Variants in PLCL2 observed in about 807,000 individuals in gnomAD.
The protein encoded by PLCL2 is inactive phospholipase C-like protein 2.
PLCL2 carries 4 observed loss-of-function variants against 79.6 expected under a neutral mutation model. The ratio of observed to expected loss-of-function variants is 0.05; its 90% confidence interval spans 0.02 to 0.11. The LOEUF (loss-of-function observed/expected upper bound fraction) is 0.11, where lower values mean the gene tolerates loss of function less well. Ranked by LOEUF, PLCL2 falls within the 10% of genes least tolerant of loss-of-function variation. The pLI, the probability that PLCL2 is intolerant of heterozygous loss-of-function variation, is 1.00. For synonymous variants in PLCL2, 484 were observed against 457.7 expected, an observed-to-expected ratio of 1.06 and a Z score of -0.73; for missense variants, 895 against 1,291.0, an observed-to-expected ratio of 0.69 and a Z score of 4.70.
At position 17,011,364 on chromosome 3, in the gene PLCL2, C is replaced by T; in HGVS notation, c.2018C>T (p.Ala673Val). The change falls in exon 2 of 6, where the codon GCT (alanine) becomes GTT (valine). Residue 673 changes from alanine to valine, a missense_variant. Ala to Val is a moderately conservative substitution (Grantham distance 64). Coordinates refer to ENST00000615277, the MANE Select transcript of PLCL2 (RefSeq NM_001144382.2). This position sits in a 1 kb window ranked among gnomAD's most constrained non-coding sequence, Gnocchi z 7.9. ...GTAAATTACAACAAACGTTTTCTTG[C>T]TAGGGTTTTTCCCAGTCCAATGAGA... ...DFVNYNKRFL[A>V]RVFPSPMRID... The T allele has an allele frequency of 6.2e-7, 1 of 1,614,092 alleles. No individual in the cohort carries two copies. The highest frequency in any genetic ancestry group is 1.7e-5 in the Admixed American group (1 of 60,020).
At position 17,011,659 on chromosome 3, in the gene PLCL2, A is replaced by T. The variant is rs769778077; in HGVS notation, c.2313A>T (p.Gly771=). The change falls in exon 2 of 6, where the codon GGA becomes GGT. Residue 771 remains glycine, a synonymous_variant. Transcript: ENST00000615277. The surrounding 1 kb of genome is among the most constrained non-coding windows in gnomAD (Gnocchi z 7.9). ...GGCAGAACTTTCCCAAGCCCAAAGG[A>T]TCAGGTGCCAAAGGTGATGTGGTAG... is the stretch of plus-strand genomic sequence containing the variant. ...ISGQNFPKPK[G]SGAKGDVVDP... is the part of the protein sequence containing the mutation. 1.2e-6 allele frequency: 2 copies of T among 1,614,128 alleles called. No individual in the cohort carries two copies.
chr3:16,967,101 T>C (rs1559501698), intron 1 of PLCL2, among the ~76,000 whole-genome samples: 2 of 152,160 alleles, frequency 1.3e-5, no homozygotes, highest in East Asian at 1.9e-4. Context: ...CATGATCTTG[T>C]TCTTTTTATG....
chr3:17,086,525 C>A (rs986027951), intron 5 of PLCL2, among the ~76,000 whole-genome samples: 1 of 152,134 alleles, frequency 6.6e-6, no homozygotes, highest in African/African-American at 2.4e-5. Context: ...TTGGATATGG[C>A]AGTGCTTTTT....
chr3:17,020,873 G>T (rs1358952321), intron 3 of PLCL2, among the ~76,000 whole-genome samples: 2 of 152,184 alleles, frequency 1.3e-5, no homozygotes, highest in Non-Finnish European at 2.9e-5. Context: ...TCTGGGTTAA[G>T]TTGTTGGTAT....
chr3:17,085,554 C>T (rs1283067801), intron 5 of PLCL2, among the ~76,000 whole-genome samples: 1 of 151,996 alleles, frequency 6.6e-6, no homozygotes, highest in African/African-American at 2.4e-5. Flanking sequence ...GGGTTCACGC[C>T]ATTCTCTGCC....
intron 1 of PLCL2, among the ~76,000 whole-genome samples, chr3:16,995,234 G>A (rs1009949032): frequency 6.6e-6 from 1 of 152,226 alleles, no homozygotes; most frequent in African/African-American, 2.4e-5. Context: ...TGTTAAGGCA[G>A]AAACAAAATA....
rs528529306 is a variant in PLCL2, at chr3:17,085,163, C to G, written c.3205-4570C>G. Among the ~76,000 whole-genome samples, 7 of 152,154 alleles carry G rather than the reference C, an allele frequency of 4.6e-5. No homozygotes were observed. The East Asian group carries it at 1.4e-3, about 29-fold the overall frequency. ...GAAAAAAAAAATTTTGAGACAGGGT[C>G]TCACTCTGTCACCCAGGCTGGAGTG... On this transcript the variant is annotated intron_variant, in intron 5 of 5. Transcript: ENST00000615277.
At chr3:16,890,497 C>T (rs1696320609) in intron 1 of PLCL2, among the ~76,000 whole-genome samples, 1 of 152,198 alleles carries the variant, frequency 6.6e-6, no homozygotes, top group South Asian at 2.1e-4. Context: ...ACATTATTTA[C>T]AGCCTAAATG....
chr3:16,969,471 G>A (rs1381017114), intron 1 of PLCL2, among the ~76,000 whole-genome samples: 1 of 152,062 alleles, frequency 6.6e-6, no homozygotes, highest in African/African-American at 2.4e-5. Flanking sequence ...AATCTTGGGA[G>A]GTTGTATGTT....
intron 1 of PLCL2, among the ~76,000 whole-genome samples, chr3:16,948,714 A>C (rs2063623948): frequency 6.6e-6 from 1 of 152,244 alleles, no homozygotes; most frequent in Admixed American, 6.5e-5. Flanking sequence ...AACTCTATTT[A>C]GATGGGAATG....
intron 1 of PLCL2, among the ~76,000 whole-genome samples, chr3:16,950,059 G>T (rs1169153891): frequency 6.6e-6 from 1 of 152,038 alleles, no homozygotes; most frequent in African/African-American, 2.4e-5. Context: ...TCTTCACAAG[G>T]TTTTTCGATA....
intron 1 of PLCL2, among the ~76,000 whole-genome samples, chr3:16,943,677 A>G (rs1009993913): frequency 2.6e-5 from 4 of 152,238 alleles, no homozygotes; most frequent in Non-Finnish European, 5.9e-5. Flanking sequence ...AAATGTTATT[A>G]TCTGCTTAAA....
At chr3:16,956,762 G>A (rs1559497940) in intron 1 of PLCL2, among the ~76,000 whole-genome samples, 1 of 152,184 alleles carries the variant, frequency 6.6e-6, no homozygotes, top group South Asian at 2.1e-4. Context: ...TCTTGGGAGG[G>A]TGTATGTGTC....
At chr3:17,043,955 A>G (rs1471101188) in intron 4 of PLCL2, 2 of 152,156 alleles carry the variant, frequency 1.3e-5, no homozygotes, top group Non-Finnish European at 2.9e-5. Context: ...TTCAAACACA[A>G]TTTTTATCTA....
intron 1 of PLCL2, among the ~76,000 whole-genome samples, chr3:16,920,688 C>T (rs2124934432): frequency 6.6e-6 from 1 of 152,238 alleles, no homozygotes; most frequent in South Asian, 2.1e-4. Context: ...TGTTTTAATT[C>T]ATTTTAAAAC....
In PLCL2 at chr3:16,946,699, C is replaced by T. The variant is rs1268944758; in HGVS notation, c.327+61333C>T. On this transcript the variant is annotated intron_variant, in intron 1 of 5. Coordinates refer to ENST00000615277, the MANE Select transcript of PLCL2 (RefSeq NM_001144382.2). ...AATTTTGTTTTGTTTTTTCATTTTG[C>T]TTTTCTAGTCTATAAATGGAATATG... Among the ~76,000 whole-genome samples the T allele has an allele frequency of 3.9e-5, 6 of 152,100 alleles. No individual in the cohort carries two copies. In the East Asian group the frequency reaches 1.2e-3, roughly 29 times the overall value.
chr3:16,888,908 C>T (rs545186478), intron 1 of PLCL2, among the ~76,000 whole-genome samples: 6 of 152,164 alleles, frequency 3.9e-5, no homozygotes, highest in Non-Finnish European at 7.3e-5. Flanking sequence ...TGGTTTGTGT[C>T]GAGTTCTGTG....
At chr3:17,035,870 G>A (rs2064645566) in intron 3 of PLCL2, 1 of 480,780 alleles carries the variant, frequency 2.1e-6, no homozygotes, top group Non-Finnish European at 4.1e-6. Flanking sequence ...GTGTGTGGCA[G>A]CACCCAAATA....
intron 3 of PLCL2, among the ~76,000 whole-genome samples, chr3:17,028,281 A>G (rs980068567): frequency 2.0e-5 from 3 of 152,094 alleles, no homozygotes; most frequent in Non-Finnish European, 4.4e-5. Flanking sequence ...TGTGCTAACC[A>G]CACTCAGTTT....
Sources: allele counts gnomAD v4.1 joint callset (sites outside exome capture counted in the v4.1 genomes callset), GRCh38; gene constraint gnomAD v4.1.1; non-coding constraint Gnocchi (gnomAD v3.1); transcripts MANE v1.5; gene names NCBI Gene and HGNC (gene_info 2026-07-23, HGNC 2026-07-21).